Variants in STK39 observed in about 807,000 individuals in gnomAD.
The protein encoded by STK39 is serine/threonine kinase 39.
Under a neutral mutation model 77.8 loss-of-function variants are expected in STK39, and 20 were observed. The ratio of observed to expected loss-of-function variants is 0.26; its 90% CI spans 0.18 to 0.37. The LOEUF is 0.37. Ranked by LOEUF, STK39 falls within the 10% of genes least tolerant of loss-of-function variation. The pLI is 1.00. For missense variants in STK39, 479 were observed against 656.5 expected (o/e 0.73, Z 2.95); for synonymous variants, 246 against 234.1 (o/e 1.05, Z -0.47).
Position 168,172,485 on chromosome 2 carries a change from A to T in STK39, c.322-5078T>A, listed in dbSNP as rs140115654. The stretch of plus-strand genomic sequence containing the variant: ...TGTCATACTTCATGTATCCTGGTAA[A>T]CTGCCTCAAACTCTTTCGGAATAAG... On this transcript the variant is annotated intron_variant, in intron 2 of 17. Transcript: ENST00000355999. Among the ~76,000 whole-genome samples the T allele has an allele frequency of 5.9e-3, 902 of 152,320 alleles. 7 individuals carry two copies. Among genetic ancestry groups the T allele is most frequent in the African/African-American group, 0.02 (846 of 41,566 alleles).
At chr2:168,075,964 A>G (rs1686067312) in intron 10 of STK39, among the ~76,000 whole-genome samples, 1 of 152,232 alleles carries the variant, frequency 6.6e-6, no homozygotes, top group Non-Finnish European at 1.5e-5. Context: ...GATGTAATCC[A>G]TAGGGCAAGC....
At chr2:167,977,559 G>A (rs1446504) in intron 16 of STK39, among the ~76,000 whole-genome samples, 83,286 of 148,626 alleles carry the variant, frequency 0.56, 24,367 homozygotes, top group African/African-American at 0.68. Context: ...GTAAGAATTA[G>A]TTTACTTGCT....
At chr2:168,129,798 A>G in intron 8 of STK39, 40 bp from the exon 9 acceptor site, 15 of 1,606,496 alleles carry the variant, frequency 9.3e-6, no homozygotes, top group Non-Finnish European at 1.3e-5. Flanking sequence ...AACAATGACC[A>G]CTTAATAAAT....
intron 1 of STK39, among the ~76,000 whole-genome samples, chr2:168,196,703 A>T (rs1689477495): frequency 6.6e-6 from 1 of 152,216 alleles, no homozygotes; most frequent in Admixed American, 6.5e-5. Context: ...GACAAAAATA[A>T]AATTGGTGGG....
intron 16 of STK39, among the ~76,000 whole-genome samples, chr2:168,000,124 T>C (rs1275317833): frequency 1.3e-5 from 2 of 152,344 alleles, no homozygotes; most frequent in East Asian, 1.9e-4. Flanking sequence ...CTAATCACTA[T>C]TTAGCCTGCA....
Position 168,093,963 on chromosome 2 carries a change from G to T in STK39, c.1090-18732C>A, listed in dbSNP as rs376160308. ...CAAACAATTACTCTCCAACACATTT[G>T]CAAGTACTTGCCCATGCTGGTCCCT... On this transcript the variant is annotated intron_variant, in intron 10 of 17. Transcript: ENST00000355999. Among the ~76,000 whole-genome samples the T allele has an allele frequency of 6.6e-4, 100 of 152,236 alleles. 1 individual carries two copies. The highest frequency in any genetic ancestry group is 2.2e-3 in the African/African-American group (91 of 41,536).
intron 5 of STK39, among the ~76,000 whole-genome samples, chr2:168,157,984 A>T (rs1266716024): frequency 6.6e-6 from 1 of 152,206 alleles, no homozygotes; most frequent in Non-Finnish European, 1.5e-5. Context: ...GATCTGTTTC[A>T]TATGAATTTC....
At chr2:168,175,975 C>T (rs1194786171) in intron 2 of STK39, among the ~76,000 whole-genome samples, 2 of 152,122 alleles carry the variant, frequency 1.3e-5, no homozygotes, top group African/African-American at 4.8e-5. Context: ...AGTAGGCTTG[C>T]ATGCTAATGC....
chr2:168,182,283 C>T (rs1453327591), intron 1 of STK39, among the ~76,000 whole-genome samples, 193 bp from the exon 2 acceptor site: 2 of 151,992 alleles, frequency 1.3e-5, no homozygotes, highest in Admixed American at 6.6e-5. Context: ...AAAAAAACTG[C>T]ATTTTCCAGA....
chr2:168,006,621 G>C lies in STK39; in HGVS notation c.1498+6013C>G, dbSNP rs111792513. The stretch of plus-strand genomic sequence containing the variant: ...TCCATTTGTCAGCCAACCCAGCCAG[G>C]CAAGATAAGCAAATTTATGCATGCA... On this transcript the variant is annotated intron_variant, in intron 16 of 17. Transcript: ENST00000355999. 2.3e-3 allele frequency among the ~76,000 whole-genome samples: 345 copies of C among 152,188 alleles called. 1 individual carries two copies. Among genetic ancestry groups the C allele is most frequent in the African/African-American group, 7.9e-3 (327 of 41,496 alleles).
At chr2:167,964,553 A>G (rs1317010281) in intron 17 of STK39, 109 bp downstream of exon 17, 2 of 1,074,784 alleles carry the variant, frequency 1.9e-6, no homozygotes, top group Non-Finnish European at 1.4e-6. Context: ...ATTCTAAAAG[A>G]AAACAACAAC....
At chr2:168,234,052 TAC>T (rs1282238248) in intron 1 of STK39, among the ~76,000 whole-genome samples, 15 of 152,196 alleles carry the variant, frequency 9.9e-5, no homozygotes, top group African/African-American at 1.9e-4. Context: ...TGCAAATAGG[TAC>T]AGAGTGAAAA....
At chr2:168,003,188 G>C (rs1466664384) in intron 16 of STK39, among the ~76,000 whole-genome samples, 1 of 152,140 alleles carries the variant, frequency 6.6e-6, no homozygotes, top group Non-Finnish European at 1.5e-5. Context: ...ATGTTGGTCA[G>C]GCTGGTCTTG....
chr2:167,964,815 T>C (rs1692102154), intron 16 of STK39, 89 bp from the exon 17 acceptor site: 1 of 1,162,908 alleles, frequency 8.6e-7, no homozygotes, highest in East Asian at 2.4e-5. Context: ...ATTTGACTAA[T>C]GATGCAATAA....
At chr2:168,033,491 C>T (rs1684877840) in intron 14 of STK39, among the ~76,000 whole-genome samples, 1 of 152,150 alleles carries the variant, frequency 6.6e-6, no homozygotes, top group African/African-American at 2.4e-5. Flanking sequence ...CCTACTCTGG[C>T]CTTGGTATAT....
chr2:168,208,814 G>A (rs575204345), intron 1 of STK39, among the ~76,000 whole-genome samples: 3 of 152,336 alleles, frequency 2.0e-5, no homozygotes, highest in East Asian at 3.9e-4. Flanking sequence ...TTCCCCTCCT[G>A]CTGCTAGAGA....
In STK39 at chr2:168,202,761, T is replaced by C. The variant is rs933517858; in HGVS notation, c.209-20671A>G. ...GAATCTGGGAAACATCTAGAGAGATTAAAAAAAAAAAGAGAGTAAAGAGGC... is the reference window on the plus strand; with the variant it reads ...GAATCTGGGAAACATCTAGAGAGATCAAAAAAAAAAAGAGAGTAAAGAGGC... On this transcript the variant is annotated intron_variant, in intron 1 of 17. Coordinates refer to ENST00000355999, the MANE Select transcript of STK39 (RefSeq NM_013233.3). Among the ~76,000 whole-genome samples, 3 of 145,354 alleles carry C rather than the reference T, an allele frequency of 2.1e-5. No individual in the cohort carries two copies. The East Asian group carries it at 6.0e-4, about 29-fold the overall frequency.
chr2:168,058,305 C>A (rs892706437), intron 14 of STK39, among the ~76,000 whole-genome samples: 3 of 152,200 alleles, frequency 2.0e-5, no homozygotes, highest in Admixed American at 2.0e-4. Context: ...TCTTCAAACA[C>A]TTCCTCTATT....
At chr2:168,018,100 G>T (rs1684460838) in intron 14 of STK39, among the ~76,000 whole-genome samples, 1 of 152,136 alleles carries the variant, frequency 6.6e-6, no homozygotes, top group African/African-American at 2.4e-5. Context: ...ATGATAATAA[G>T]GGGCAGTGAG....
Sources: allele counts gnomAD v4.1 joint callset (sites outside exome capture counted in the v4.1 genomes callset), GRCh38; gene constraint gnomAD v4.1.1; transcripts MANE v1.5; gene names NCBI Gene and HGNC (gene_info 2026-07-23, HGNC 2026-07-21).